RRM2: variants seen among roughly 807,000 people sequenced by gnomAD.
RRM2 encodes the protein ribonucleotide reductase regulatory subunit M2.
A neutral mutation model predicts 45.9 loss-of-function variants in RRM2; 6 were observed. The ratio of observed to expected loss-of-function variants is 0.13; its 90% CI spans 0.07 to 0.26. RRM2 has a LOEUF of 0.26. Ranked by LOEUF, RRM2 falls within the 10% of genes least tolerant of loss-of-function variation. The pLI is 1.00. For missense variants in RRM2, 343 were observed against 489.5 expected (o/e 0.70, Z 2.82); for synonymous variants, 177 against 173.0 (o/e 1.02, Z -0.18).
chr2:10,127,437 T>C lies in RRM2; in HGVS notation c.798+217T>C. 2 of 553,564 alleles carry C rather than the reference T, an allele frequency of 3.6e-6. No individual in the cohort carries two copies. The highest frequency in any genetic ancestry group is 6.4e-6 in the Non-Finnish European group (2 of 312,642). 34.3% of individuals were successfully genotyped at this position (553,564 alleles called of 1,614,324 possible). On this transcript the variant is annotated intron_variant, in intron 7 of 9. Transcript: ENST00000304567. This position sits in a 1 kb window ranked among gnomAD's most constrained non-coding sequence, Gnocchi z 4.1. ...ATATATTGTAATACATTTGTACATA[T>C]GTATTCCCCTATAGGCTTTGAATGC...
At chr2:10,123,235 C>G (rs780330290) in intron 2 of RRM2, 152 bp from the exon 3 acceptor site, 6 of 1,284,506 alleles carry the variant, frequency 4.7e-6, no homozygotes, top group African/African-American at 3.0e-5. Flanking sequence ...GGCGTGCGCT[C>G]CTCTGCTGCG....
At chr2:10,142,967 G>A (rs538534401) in intron 3 of RRM2, among the ~76,000 whole-genome samples, 5 of 152,352 alleles carry the variant, frequency 3.3e-5, no homozygotes, top group South Asian at 4.1e-4. Flanking sequence ...TCTGCCTCCT[G>A]GGTTCATGCC....
chr2:10,164,546 C>T (rs763362124), intron 3 of RRM2, among the ~76,000 whole-genome samples: 21 of 152,252 alleles, frequency 1.4e-4, no homozygotes, highest in African/African-American at 4.1e-4. Context: ...TGCTCACGGG[C>T]GAAGTGAGCA....
intron 3 of RRM2, chr2:10,155,216 C>G: frequency 3.8e-6 from 1 of 266,096 alleles, no homozygotes. Context: ...AATGGGGTTT[C>G]TTTAATTAGC....
chr2:10,190,416 G>C (rs1249649122), intron 3 of RRM2, among the ~76,000 whole-genome samples: 1 of 144,354 alleles, frequency 6.9e-6, no homozygotes, highest in African/African-American at 2.6e-5. Context: ...TGGTGATGGG[G>C]GGGTTGGTGG....
chr2:10,141,571 A>C, exon 1 of RRM2: 3 of 437,338 alleles, frequency 6.9e-6, no homozygotes. Flanking sequence ...GCTGGAATGG[A>C]GGAGGCCTGG....
chr2:10,174,262 C>T (rs1005537689), intron 3 of RRM2, among the ~76,000 whole-genome samples: 18 of 152,182 alleles, frequency 1.2e-4, no homozygotes, highest in African/African-American at 4.1e-4. Flanking sequence ...CTGCTGATTA[C>T]GCTTTCCTGT....
upstream of RRM2, chr2:10,122,629 T>C: frequency 2.0e-6 from 3 of 1,536,494 alleles, no homozygotes; most frequent in Non-Finnish European, 2.6e-6. Context: ...ATGGGAAGGG[T>C]CGGAGGCATG....
chr2:10,124,432 T>G (rs1248660548), intron 4 of RRM2, among the ~76,000 whole-genome samples: 2 of 152,222 alleles, frequency 1.3e-5, no homozygotes, highest in East Asian at 3.8e-4. Flanking sequence ...GTGGCTTTGC[T>G]GTTTTAATAA....
At position 10,122,766 on chromosome 2, in the gene RRM2, T is replaced by C. The variant is rs1662684590; in HGVS notation, c.-33T>C. ...GCACCCTGTCCCAGCCGTCCTGTCC[T>C]GGCTGCTCGCTCTGCTTCGCTGCGC... On this transcript the variant is annotated 5_prime_UTR_variant, in exon 1 of 10. Transcript: ENST00000304567. 1.3e-6 allele frequency: 2 copies of C among 1,563,816 alleles called. No homozygotes were observed. Among genetic ancestry groups the C allele is most frequent in the Non-Finnish European group, 1.7e-6 (2 of 1,154,682 alleles).
At chr2:10,209,050 TTTCTTTC>T (rs1231206476) in intron 3 of RRM2, among the ~76,000 whole-genome samples, 40 of 147,360 alleles carry the variant, frequency 2.7e-4, no homozygotes, top group African/African-American at 1.0e-3. Flanking sequence ...TCTTTCTTTC[TTTCTTTC>T]TTTTTTTTTT....
At chr2:10,151,375 A>G (rs1409434081) in intron 3 of RRM2, among the ~76,000 whole-genome samples, 1 of 146,550 alleles carries the variant, frequency 6.8e-6, no homozygotes, top group African/African-American at 2.5e-5. Context: ...TTGGCTCACT[A>G]CAGCCTCTGC....
At chr2:10,188,781 T>G (rs1053506827) in intron 3 of RRM2, among the ~76,000 whole-genome samples, 1 of 152,110 alleles carries the variant, frequency 6.6e-6, no homozygotes, top group Non-Finnish European at 1.5e-5. Context: ...ACCAGACCCC[T>G]GAAGAGAGGG....
At chr2:10,177,723 C>T (rs1663952946) in intron 3 of RRM2, among the ~76,000 whole-genome samples, 1 of 150,214 alleles carries the variant, frequency 6.7e-6, no homozygotes, top group African/African-American at 2.4e-5. Context: ...CCCTCCCTCC[C>T]TCCCTCTCTC....
In RRM2 at chr2:10,176,869, T is replaced by G. The variant is rs751685088; in HGVS notation, n.483-33442T>G. Among the ~76,000 whole-genome samples, 8 of 152,212 alleles carry G rather than the reference T, an allele frequency of 5.3e-5. 1 individual carries two copies. The highest frequency in any genetic ancestry group is 6.5e-5 in the Admixed American group (1 of 15,286). ...GCACCTGTTTCTCCTGTGGGTATAT[T>G]TGGGAATGGAATTGCTGGGTCATAG... is the stretch of plus-strand genomic sequence containing the variant. On this transcript the variant is annotated intron_variant and non_coding_transcript_variant, in intron 3 of 3. Coordinates refer to the RRM2 transcript ENST00000381786.
At chr2:10,202,795 T>A (rs992801382) in intron 3 of RRM2, among the ~76,000 whole-genome samples, 1 of 152,196 alleles carries the variant, frequency 6.6e-6, no homozygotes, top group African/African-American at 2.4e-5. Context: ...GCAGTGTTTG[T>A]CCAAGATGGT....
At chr2:10,123,649 G>C in intron 3 of RRM2, 87 bp from the exon 4 acceptor site, 1 of 1,424,448 alleles carries the variant, frequency 7.0e-7, no homozygotes, top group South Asian at 1.2e-5. Context: ...AGTGGTGCCA[G>C]CATACTTAAA....
intron 3 of RRM2, among the ~76,000 whole-genome samples, chr2:10,201,159 A>AAAAAG (rs1553329679): frequency 5.3e-5 from 8 of 150,826 alleles, no homozygotes; most frequent in Admixed American, 6.6e-5. Flanking sequence ...AAAAAAAAAA[A>AAAAAG]AAAGAAAGAA....
At chr2:10,196,565 T>C (rs1274876863) in intron 3 of RRM2, among the ~76,000 whole-genome samples, 1 of 151,594 alleles carries the variant, frequency 6.6e-6, no homozygotes. Context: ...GTGTGAAGAG[T>C]CCAGGACCAG....
Sources: gnomAD v4.1 joint callset for allele counts (sites outside exome capture counted in the v4.1 genomes callset) on GRCh38, gnomAD v4.1.1 for gene constraint, Gnocchi (gnomAD v3.1) non-coding constraint, MANE v1.5 for transcripts, NCBI Gene and HGNC (gene_info 2026-07-23, HGNC 2026-07-21) for gene names.